Variants in MYO5B observed in about 807,000 individuals in gnomAD.
MYO5B encodes the protein myosin VB.
In MYO5B, 143 loss-of-function variants were observed where a neutral mutation model predicts 229.3. The observed-to-expected ratio is 0.62, with a 90% CI of 0.54 to 0.72. The LOEUF (loss-of-function observed/expected upper bound fraction) is 0.72, where lower values mean the gene tolerates loss of function less well. Ranked by LOEUF, MYO5B falls within the 30% of genes least tolerant of loss-of-function variation. MYO5B has a pLI of 0.00. For synonymous variants in MYO5B, 918 were observed against 885.2 expected (o/e 1.04, Z -0.66); for missense variants, 2,321 against 2,331.0 (o/e 1.00, Z 0.09).
At chr18:50,108,221 C>T (rs17729161) in intron 1 of MYO5B, among the ~76,000 whole-genome samples, 36,571 of 152,184 alleles carry the variant, frequency 0.24, 5,380 homozygotes, top group African/African-American at 0.42. Context: ...TATCCTGTCT[C>T]TTGAAATAAC....
intron 7 of MYO5B, 66 bp downstream of exon 7, chr18:49,990,373 C>A: frequency 1.5e-6 from 2 of 1,367,954 alleles, no homozygotes; most frequent in Middle Eastern, 1.9e-4. Flanking sequence ...TGAGCAGAGC[C>A]CCCAGCTGTG....
At chr18:50,000,090 T>C (rs992083942) in intron 5 of MYO5B, among the ~76,000 whole-genome samples, 28 of 152,208 alleles carry the variant, frequency 1.8e-4, no homozygotes, top group African/African-American at 6.8e-4. Flanking sequence ...AGATTTTGCC[T>C]GGATAATCAA....
At chr18:50,059,544 C>T (rs1330011106) in intron 1 of MYO5B, among the ~76,000 whole-genome samples, 1 of 152,110 alleles carries the variant, frequency 6.6e-6, no homozygotes, top group Non-Finnish European at 1.5e-5. Flanking sequence ...GCTTTAGATG[C>T]AAATCTAGTA....
At chr18:50,027,434 GCA>G (rs1187051515) in intron 4 of MYO5B, among the ~76,000 whole-genome samples, 1 of 152,130 alleles carries the variant, frequency 6.6e-6, no homozygotes, top group Non-Finnish European at 1.5e-5. Flanking sequence ...GGAAACAAGT[GCA>G]CACACACATG....
At position 49,953,259 on chromosome 18, in the gene MYO5B, C is replaced by G; in HGVS notation, c.1752+1G>C. ...CACTCCCCACTTCTGACACTCTTTA[C>G]CTTGCTGGCCTTCAGGATATTGATC... is the stretch of plus-strand genomic sequence containing the variant. On this transcript the variant is annotated splice_donor_variant, in intron 14 of 39. Transcript: ENST00000285039. LOFTEE classifies it high-confidence loss of function. The G allele has an allele frequency of 6.2e-7, 1 of 1,613,970 alleles. No individual in the cohort carries two copies. Among genetic ancestry groups the G allele is most frequent in the Non-Finnish European group, 8.5e-7 (1 of 1,179,846 alleles).
intron 39 of MYO5B, 148 bp from the exon 40 acceptor site, chr18:49,826,771 T>C (rs1808641298): frequency 2.0e-6 from 2 of 988,636 alleles, no homozygotes; most frequent in African/African-American, 3.2e-5. Context: ...TGTGATCTCC[T>C]CACCCTTGAG....
chr18:49,915,831 G>A (rs2025007496), intron 17 of MYO5B, among the ~76,000 whole-genome samples: 1 of 152,204 alleles, frequency 6.6e-6, no homozygotes, highest in African/African-American at 2.4e-5. Flanking sequence ...TTTAACACAC[G>A]CCAGCATGGC....
At chr18:50,155,152 A>G (rs778376551) in intron 1 of MYO5B, among the ~76,000 whole-genome samples, 2 of 152,230 alleles carry the variant, frequency 1.3e-5, no homozygotes, top group African/African-American at 4.8e-5. Flanking sequence ...GACCTTCCAT[A>G]AATAGTAGCT....
chr18:50,108,751 A>G (rs1318765631), intron 1 of MYO5B, among the ~76,000 whole-genome samples: 6 of 143,900 alleles, frequency 4.2e-5, no homozygotes, highest in Non-Finnish European at 9.6e-5. Context: ...CAGAATCAGT[A>G]AAAAATATGT....
At chr18:49,941,932 A>G (rs1237730684) in intron 14 of MYO5B, among the ~76,000 whole-genome samples, 2 of 129,014 alleles carry the variant, frequency 1.6e-5, no homozygotes. Flanking sequence ...AAACTATACT[A>G]TAAGGCTACA....
chr18:49,839,402 C>G, intron 35 of MYO5B, 108 bp from the exon 36 acceptor site: 18 of 1,199,256 alleles, frequency 1.5e-5, no homozygotes, highest in Non-Finnish European at 2.1e-5. Context: ...AGGGGGCCTA[C>G]TCAGGCCCTC....
At chr18:49,904,604 C>T in intron 20 of MYO5B, 68 bp downstream of exon 20, 1 of 1,594,558 alleles carries the variant, frequency 6.3e-7, no homozygotes, top group Non-Finnish European at 8.6e-7. Context: ...TTCACGTTGG[C>T]AGTAATTCAT....
At chr18:50,097,471 A>T (rs2031574665) in intron 1 of MYO5B, 3 of 333,292 alleles carry the variant, frequency 9.0e-6, no homozygotes, top group South Asian at 7.2e-5. Flanking sequence ...ACTCAACCAT[A>T]AGAGAAGTTC....
At chr18:50,171,219 T>A (rs1361268301) in intron 1 of MYO5B, among the ~76,000 whole-genome samples, 1 of 128,008 alleles carries the variant, frequency 7.8e-6, no homozygotes, top group Non-Finnish European at 1.7e-5. Context: ...AAGGCAAATA[T>A]GCAAAAAGTA....
chr18:49,962,674 C>G (rs1269965425), intron 11 of MYO5B, among the ~76,000 whole-genome samples: 1 of 125,838 alleles, frequency 7.9e-6, no homozygotes, highest in Non-Finnish European at 1.7e-5. Flanking sequence ...ATCTGGCTTG[C>G]TGTTGCTTAA....
intron 34 of MYO5B, 143 bp downstream of exon 34, chr18:49,843,098 G>A (rs1049308170): frequency 8.4e-6 from 9 of 1,074,320 alleles, no homozygotes; most frequent in African/African-American, 1.6e-5. Context: ...TGGTTATATG[G>A]ATGCTTCTGT....
rs2144417768 is a variant in MYO5B, at chr18:50,055,380, T to C, written c.28-2A>G. ...GTCAGGGATCCAGACCCTTGTGCAC[T>C]GAAAGATTAAAACAGAAGAAACTTA... is the stretch of plus-strand genomic sequence containing the variant. On this transcript the variant is annotated splice_acceptor_variant, in intron 1 of 39. Transcript: ENST00000285039. LOFTEE classifies it high-confidence loss of function. The C allele has an allele frequency of 1.2e-6, 2 of 1,611,742 alleles. No individual in the cohort carries two copies. The highest frequency in any genetic ancestry group is 1.7e-6 in the Non-Finnish European group (2 of 1,178,056).
At chr18:49,998,296 A>C (rs11878029) in intron 5 of MYO5B, among the ~76,000 whole-genome samples, 2,889 of 152,306 alleles carry the variant, frequency 0.019, 88 homozygotes, top group African/African-American at 0.066. Context: ...AATTTGCACA[A>C]GGCAGAAAAT....
At chr18:50,012,797 G>A (rs1227147706) in intron 4 of MYO5B, among the ~76,000 whole-genome samples, 1 of 152,228 alleles carries the variant, frequency 6.6e-6, no homozygotes, top group Non-Finnish European at 1.5e-5. Context: ...AAGCCATGCT[G>A]TAAATTCAGA....
Sources: allele counts gnomAD v4.1 joint callset (sites outside exome capture counted in the v4.1 genomes callset), GRCh38; gene constraint gnomAD v4.1.1; transcripts MANE v1.5; gene names NCBI Gene and HGNC (gene_info 2026-07-23, HGNC 2026-07-21).